UBE2L3: variants seen among roughly 807,000 people sequenced by gnomAD.
The protein encoded by UBE2L3 is ubiquitin conjugating enzyme E2 L3.
A neutral mutation model predicts 17.8 loss-of-function variants in UBE2L3; 1 was observed. The observed-to-expected ratio is 0.06, with a 90% CI of 0.02 to 0.27. UBE2L3 has a LOEUF of 0.27. Among genes scored for constraint, UBE2L3 ranks in the 10% least tolerant of loss-of-function variants. UBE2L3 has a pLI of 1.00. For synonymous variants in UBE2L3, 44 were observed against 68.5 expected, an observed-to-expected ratio of 0.64 and a Z score of 1.76; for missense variants, 40 against 192.6, an observed-to-expected ratio of 0.21 and a Z score of 4.69.
At position 21,622,289 on chromosome 22, in the gene UBE2L3, T is replaced by G. The variant is rs1218214925; in HGVS notation, c.*620T>G. 1 of 152,884 alleles carries G rather than the reference T, an allele frequency of 6.5e-6. No homozygotes were observed. The highest frequency in any genetic ancestry group is 1.5e-5 in the Non-Finnish European group (1 of 68,474). The allele number at this position is 152,884 out of a possible 1,614,324, so 9.5% of individuals were successfully genotyped here. A position where few individuals can be genotyped will look rare whatever the true frequency, so the allele number is the denominator to read the frequency against. ...CTTCTCCTCAGTTCTTGTGTGAAAC[T>G]CCAGCTGATGTTACCACAGTAACAT... On this transcript the variant is annotated 3_prime_UTR_variant, in exon 4 of 4. Coordinates refer to ENST00000342192, the MANE Select transcript of UBE2L3 (RefSeq NM_003347.4).
At chr22:21,592,749 A>G in intron 1 of UBE2L3, 112 bp from the exon 2 acceptor site, 1 of 847,288 alleles carries the variant, frequency 1.2e-6, no homozygotes. Flanking sequence ...TCACTGTCCA[A>G]TTTTGTCATT....
upstream of UBE2L3, among the ~76,000 whole-genome samples, chr22:21,565,218 G>T (rs1158920755): frequency 2.0e-5 from 3 of 151,700 alleles, no homozygotes; most frequent in Non-Finnish European, 2.9e-5. Flanking sequence ...TCAGCCTCCC[G>T]AGTAGCTGGG....
intron 3 of UBE2L3, chr22:21,614,740 A>C: frequency 1.1e-6 from 1 of 948,992 alleles, no homozygotes; most frequent in Non-Finnish European, 1.5e-6. Context: ...AGCTATATCT[A>C]CCCAAGAGAA....
chr22:21,614,426 CCA>C, intron 3 of UBE2L3: 3 of 487,390 alleles, frequency 6.2e-6, no homozygotes, highest in Non-Finnish European at 1.1e-5. Flanking sequence ...CCCGTCTGTA[CCA>C]AAAAAAAAAA....
chr22:21,569,956 T>C (rs995264268), intron 1 of UBE2L3, among the ~76,000 whole-genome samples: 3 of 152,212 alleles, frequency 2.0e-5, no homozygotes, highest in African/African-American at 7.2e-5. Context: ...TTGTTTGCTC[T>C]ACCCAAGAAA....
chr22:21,613,384 T>TA (rs1237359979), intron 3 of UBE2L3, among the ~76,000 whole-genome samples: 2 of 152,174 alleles, frequency 1.3e-5, no homozygotes, highest in Non-Finnish European at 2.9e-5. Context: ...TTGTAAAAAG[T>TA]ACTGTTGACT....
At chr22:21,601,651 G>A (rs1472046820) in intron 2 of UBE2L3, among the ~76,000 whole-genome samples, 1 of 151,824 alleles carries the variant, frequency 6.6e-6, no homozygotes, top group Non-Finnish European at 1.5e-5. Flanking sequence ...AGTGGATCAC[G>A]AAGGCTTGAG....
chr22:21,606,013 A>T (rs768414500), intron 2 of UBE2L3, among the ~76,000 whole-genome samples: 4 of 152,178 alleles, frequency 2.6e-5, no homozygotes, highest in Non-Finnish European at 5.9e-5. Context: ...GGCATGTAGG[A>T]CTTTATAGTC....
chr22:21,568,437 CCT>C, intron 1 of UBE2L3: 2 of 985,336 alleles, frequency 2.0e-6, no homozygotes, highest in Non-Finnish European at 2.4e-6. Flanking sequence ...GTTCTGCTTC[CCT>C]CTCCTCCACT....
At chr22:21,614,778 G>A in intron 3 of UBE2L3, 2 of 316,332 alleles carry the variant, frequency 6.3e-6, no homozygotes, top group Non-Finnish European at 4.6e-6. Flanking sequence ...ATAAAAACTT[G>A]TACACAGATG....
intron 1 of UBE2L3, among the ~76,000 whole-genome samples, chr22:21,587,866 T>C (rs1324765122): frequency 6.6e-6 from 1 of 152,206 alleles, no homozygotes; most frequent in Non-Finnish European, 1.5e-5. Flanking sequence ...GTTTTCCATT[T>C]TCAGGAGCTG....
chr22:21,583,859 G>A (rs1185554673), intron 1 of UBE2L3, among the ~76,000 whole-genome samples: 2 of 152,098 alleles, frequency 1.3e-5, no homozygotes, highest in Admixed American at 6.6e-5. Context: ...TCCTTTGCAG[G>A]TGAACTTTTT....
At chr22:21,559,358 A>T (rs1926350798) in intron 1 of UBE2L3, among the ~76,000 whole-genome samples, 1 of 147,982 alleles carries the variant, frequency 6.8e-6, no homozygotes, top group Non-Finnish European at 1.5e-5. Context: ...AAAATAAATA[A>T]ATAAATAAAT....
In UBE2L3 at chr22:21,592,270, C is replaced by A. The variant is rs186814371; in HGVS notation, c.28-591C>A. On this transcript the variant is annotated intron_variant, in intron 1 of 3. Coordinates refer to ENST00000342192, the MANE Select transcript of UBE2L3 (RefSeq NM_003347.4). ...TGAAGGTTTCCCGTCCCCACCCCCCCACTCCCACCCCAGTCCCAGACTGGA... is the reference window on the plus strand; with the variant it reads ...TGAAGGTTTCCCGTCCCCACCCCCCAACTCCCACCCCAGTCCCAGACTGGA... 4.7e-3 allele frequency among the ~76,000 whole-genome samples: 713 copies of A among 151,968 alleles called. 7 individuals are homozygous for A. Among genetic ancestry groups the A allele is most frequent in the African/African-American group, 0.016 (675 of 41,468 alleles).
intron 2 of UBE2L3, among the ~76,000 whole-genome samples, chr22:21,608,166 A>G (rs1929277263): frequency 6.6e-6 from 1 of 152,212 alleles, no homozygotes; most frequent in Non-Finnish European, 1.5e-5. Context: ...GAGCAACAGG[A>G]ACTCTCGCTC....
At chr22:21,616,266 C>T (rs1275696578) in intron 3 of UBE2L3, among the ~76,000 whole-genome samples, 1 of 151,988 alleles carries the variant, frequency 6.6e-6, no homozygotes, top group Non-Finnish European at 1.5e-5. Flanking sequence ...TAGGGTGGAT[C>T]CATTGAGACA....
In UBE2L3 at chr22:21,593,817, T is replaced by G. The variant is rs562182081; in HGVS notation, c.123+861T>G. ...CGGGCAGCATTCCAGCCCCCAGTCC[T>G]GTGACCAGCCTGCCACTCGCTCCTG... On this transcript the variant is annotated intron_variant, in intron 2 of 3. Transcript: ENST00000342192. Among the ~76,000 whole-genome samples, 18 of 152,272 alleles carry G rather than the reference T, an allele frequency of 1.2e-4. No individual in the cohort carries two copies. In the East Asian group the frequency reaches 3.5e-3, roughly 29 times the overall value.
In UBE2L3 at chr22:21,577,754, G is replaced by A. The variant is rs201160261; in HGVS notation, c.27+9983G>A. Among the ~76,000 whole-genome samples, 5 of 152,234 alleles carry A rather than the reference G, an allele frequency of 3.3e-5. No homozygotes were observed. In the East Asian group the frequency reaches 9.6e-4, roughly 29 times the overall value. On this transcript the variant is annotated intron_variant, in intron 1 of 3. Transcript: ENST00000342192. ...TGGTTTTTAACACTTCCAGGGCTGT[G>A]TTGATTATAGTTTTCTGTATTTCAC...
upstream of UBE2L3, among the ~76,000 whole-genome samples, chr22:21,566,303 C>T (rs1926633570): frequency 6.6e-6 from 1 of 151,938 alleles, no homozygotes; most frequent in Non-Finnish European, 1.5e-5. Flanking sequence ...TGCGTCTCAG[C>T]CCAGGTGTGG....
Sources: gnomAD v4.1 joint callset for allele counts (sites outside exome capture counted in the v4.1 genomes callset) on GRCh38, gnomAD v4.1.1 for gene constraint, MANE v1.5 for transcripts, NCBI Gene and HGNC (gene_info 2026-07-23, HGNC 2026-07-21) for gene names.